SLC22A25: variants seen among roughly 807,000 people sequenced by gnomAD.
SLC22A25 encodes the protein solute carrier family 22 member 25.
SLC22A25 carries 44 observed loss-of-function variants against 45.9 expected under a neutral mutation model. The ratio of observed to expected loss-of-function variants is 0.96; its 90% CI spans 0.75 to 1.23. The LOEUF is 1.23. Among genes scored for constraint, SLC22A25 ranks in the 50% most tolerant of loss-of-function variants. The pLI, the probability that SLC22A25 is intolerant of heterozygous loss-of-function variation, is 0.00. For synonymous variants in SLC22A25, 283 were observed against 238.6 expected, an observed-to-expected ratio of 1.19 and a Z score of -1.72; for missense variants, 800 against 666.4, an observed-to-expected ratio of 1.20 and a Z score of -2.21.
At chr11:63,206,140 A>T (rs772668380) in intron 7 of SLC22A25, among the ~76,000 whole-genome samples, 3 of 152,230 alleles carry the variant, frequency 2.0e-5, no homozygotes. Flanking sequence ...GTATCTCAAA[A>T]TAATAGCAGC....
intron 7 of SLC22A25, among the ~76,000 whole-genome samples, chr11:63,190,522 A>G (rs571739565): frequency 6.7e-6 from 1 of 149,850 alleles, no homozygotes; most frequent in East Asian, 2.0e-4. Flanking sequence ...TAGTTTGATC[A>G]TCTGAAGCCT....
At chr11:63,206,919 G>A (rs117740614) in intron 7 of SLC22A25, among the ~76,000 whole-genome samples, 3 of 152,120 alleles carry the variant, frequency 2.0e-5, no homozygotes, top group African/African-American at 7.2e-5. Context: ...CATGGCAGTG[G>A]TACCAAAACA....
chr11:63,184,141 T>C (rs1438552219), intron 7 of SLC22A25, among the ~76,000 whole-genome samples: 1 of 152,164 alleles, frequency 6.6e-6, no homozygotes, highest in Non-Finnish European at 1.5e-5. Flanking sequence ...AGTAAGGGCA[T>C]AACAAATGTC....
intron 9 of SLC22A25, among the ~76,000 whole-genome samples, chr11:63,174,633 A>C (rs979910491): frequency 6.6e-6 from 1 of 151,986 alleles, no homozygotes; most frequent in Non-Finnish European, 1.5e-5. Flanking sequence ...CTCTCAAAAC[A>C]CCTATTTACT....
At chr11:63,178,206 C>A (rs1008646122) in intron 9 of SLC22A25, among the ~76,000 whole-genome samples, 2 of 151,832 alleles carry the variant, frequency 1.3e-5, no homozygotes, top group Admixed American at 1.3e-4. Flanking sequence ...ACCCCATTTT[C>A]TTTATACAGC....
rs1000833900 is a variant in SLC22A25 at position 63,207,018 on chromosome 11, C to A, written c.830+10296G>T. Reference sequence around the variant, plus strand: ...TGATCTTTGATAAACCTGACAAAAACAAGCAATGGGGAAGGGATTCCCTAT... The same window carrying A: ...TGATCTTTGATAAACCTGACAAAAAAAAGCAATGGGGAAGGGATTCCCTAT... On this transcript the variant is annotated intron_variant, in intron 7 of 11. Transcript: ENST00000306494. Among the ~76,000 whole-genome samples the A allele has an allele frequency of 1.4e-4, 22 of 152,286 alleles. 1 individual carries two copies. The South Asian group carries it at 3.9e-3, about 27-fold the overall frequency.
At chr11:63,183,362 A>G (rs911950890) in intron 8 of SLC22A25, among the ~76,000 whole-genome samples, 1 of 152,146 alleles carries the variant, frequency 6.6e-6, no homozygotes, top group African/African-American at 2.4e-5. Context: ...TTACCCTGAA[A>G]GAAGGCCACA....
intron 9 of SLC22A25, among the ~76,000 whole-genome samples, chr11:63,176,303 T>C (rs2088086547): frequency 6.6e-6 from 1 of 152,060 alleles, no homozygotes; most frequent in African/African-American, 2.4e-5. Flanking sequence ...TCAGATTACT[T>C]TGAGTAGCAT....
At chr11:63,167,901 C>T (rs1171815727) in intron 9 of SLC22A25, 1 of 366,448 alleles carries the variant, frequency 2.7e-6, no homozygotes, top group African/African-American at 2.2e-5. Context: ...TCAACAGACA[C>T]TTCATACAGG....
intron 5 of SLC22A25, among the ~76,000 whole-genome samples, chr11:63,221,772 T>A (rs1425788537): frequency 3.9e-5 from 6 of 152,304 alleles, no homozygotes; most frequent in South Asian, 2.1e-4. Flanking sequence ...GGTCTTAGAT[T>A]TAAATTTTTA....
intron 7 of SLC22A25, among the ~76,000 whole-genome samples, chr11:63,210,524 C>T (rs2089529152): frequency 6.6e-6 from 1 of 152,128 alleles, no homozygotes; most frequent in South Asian, 2.1e-4. Flanking sequence ...AGATGATGGT[C>T]AATTGTCTAA....
At chr11:63,214,090 G>A (rs1198314145) in intron 7 of SLC22A25, among the ~76,000 whole-genome samples, 1 of 152,088 alleles carries the variant, frequency 6.6e-6, no homozygotes, top group African/African-American at 2.4e-5. Context: ...GTTCAGATTT[G>A]GTCCAGGTGG....
intron 9 of SLC22A25, chr11:63,166,582 A>G (rs1242405329): frequency 2.9e-6 from 3 of 1,047,500 alleles, no homozygotes; most frequent in Admixed American, 5.2e-5. Context: ...CACTGCAAAA[A>G]AATTCACAGT....
intron 7 of SLC22A25, among the ~76,000 whole-genome samples, chr11:63,191,929 A>C (rs367870942): frequency 6.6e-6 from 1 of 152,154 alleles, no homozygotes; most frequent in Non-Finnish European, 1.5e-5. Context: ...AAGTTTCCCA[A>C]CTTAGCTAGA....
At chr11:63,201,133 AC>A (rs1207451222) in intron 7 of SLC22A25, among the ~76,000 whole-genome samples, 1 of 152,246 alleles carries the variant, frequency 6.6e-6, no homozygotes, top group Non-Finnish European at 1.5e-5. Flanking sequence ...GAGATTCTTC[AC>A]AGAGCTAGGA....
At chr11:63,188,118 T>A (rs1165775793) in intron 7 of SLC22A25, among the ~76,000 whole-genome samples, 1 of 152,256 alleles carries the variant, frequency 6.6e-6, no homozygotes, top group African/African-American at 2.4e-5. Flanking sequence ...TCAGAAGGAA[T>A]GATACCAGCT....
chr11:63,236,095 C>G (rs1389271858), intron 3 of SLC22A25, among the ~76,000 whole-genome samples: 10 of 152,184 alleles, frequency 6.6e-5, no homozygotes, highest in African/African-American at 9.7e-5. Context: ...TGTTCAGGGA[C>G]CCACTTGAGG....
chr11:63,219,793 A>C, intron 5 of SLC22A25: 1 of 602,452 alleles, frequency 1.7e-6, no homozygotes, highest in South Asian at 1.7e-5. Flanking sequence ...ATGATCCATT[A>C]AAATTGGTTT....
At chr11:63,166,405 T>A (rs1432527118) in intron 9 of SLC22A25, 147 bp from the exon 10 acceptor site, 1 of 1,445,430 alleles carries the variant, frequency 6.9e-7, no homozygotes, top group Non-Finnish European at 9.1e-7. Context: ...CAAGTTGATA[T>A]TTTAAAGTTA....
Sources: gnomAD v4.1 joint callset for allele counts (sites outside exome capture counted in the v4.1 genomes callset) on GRCh38, gnomAD v4.1.1 for gene constraint, MANE v1.5 for transcripts, NCBI Gene and HGNC (gene_info 2026-07-23, HGNC 2026-07-21) for gene names.